COP1: variants seen among roughly 807,000 people sequenced by gnomAD.
COP1 encodes the protein E3 ubiquitin-protein ligase COP1.
In COP1, 24 loss-of-function variants were observed where a neutral mutation model predicts 101.3. That is an observed-to-expected ratio of 0.24 (90% CI 0.17 to 0.33). The LOEUF is 0.33. Among genes scored for constraint, COP1 ranks in the 10% least tolerant of loss-of-function variants. The pLI is 1.00. For missense variants in COP1, 663 were observed against 906.2 expected (o/e 0.73, Z 3.45); for synonymous variants, 347 against 341.9 (o/e 1.01, Z -0.17).
At chr1:176,070,990 C>T (rs1182855236) in intron 11 of COP1, among the ~76,000 whole-genome samples, 3 of 152,138 alleles carry the variant, frequency 2.0e-5, no homozygotes, top group Non-Finnish European at 2.9e-5. Flanking sequence ...ATACTGTACA[C>T]TGTAAATACT....
chr1:176,048,998 C>A (rs1672011443), intron 11 of COP1, among the ~76,000 whole-genome samples: 1 of 150,470 alleles, frequency 6.6e-6, no homozygotes. Flanking sequence ...AGGTGAAACC[C>A]CGTCTCTACT....
chr1:176,080,080 G>T (rs1331636716), intron 11 of COP1, among the ~76,000 whole-genome samples: 1 of 151,862 alleles, frequency 6.6e-6, no homozygotes, highest in Non-Finnish European at 1.5e-5. Flanking sequence ...ATGGGTCGAA[G>T]AGAAAAATCA....
chr1:175,962,905 T>C (rs1157961220), intron 18 of COP1, among the ~76,000 whole-genome samples: 1 of 152,206 alleles, frequency 6.6e-6, no homozygotes, highest in Non-Finnish European at 1.5e-5. Flanking sequence ...AAGTTAATGA[T>C]TATATCCGCA....
chr1:176,032,862 T>C (rs546019727), intron 14 of COP1, among the ~76,000 whole-genome samples: 3 of 152,174 alleles, frequency 2.0e-5, no homozygotes, highest in Admixed American at 2.0e-4. Context: ...TGGATGCTGA[T>C]CAACATAAGT....
rs10694480 is a variant in COP1, at chr1:175,976,270, C to CTTTTT, written c.2133+10668_2133+10672dup. 5.6e-3 allele frequency among the ~76,000 whole-genome samples: 317 copies of CTTTTT among 56,854 alleles called. 79 individuals carry two copies. Among genetic ancestry groups the CTTTTT allele is most frequent in the African/African-American group, 7.5e-3 (101 of 13,518 alleles). 37.3% of individuals were successfully genotyped at this position (56,854 alleles called of 152,430 possible). ...TAAGTCTCTATATCAATTAGTCATT[C>CTTTTT]TTTTTTTTTTTTTTTTTTTTTTTTT... On this transcript the variant is annotated intron_variant, in intron 18 of 19. Coordinates refer to ENST00000367669, the MANE Select transcript of COP1 (RefSeq NM_022457.7).
chr1:175,950,126 G>T (rs1367297194), intron 18 of COP1, among the ~76,000 whole-genome samples: 1 of 151,624 alleles, frequency 6.6e-6, no homozygotes, highest in African/African-American at 2.4e-5. Context: ...GATTACTATG[G>T]CATTAATATA....
intron 18 of COP1, among the ~76,000 whole-genome samples, chr1:175,955,262 G>C (rs1311601335): frequency 6.6e-6 from 1 of 151,936 alleles, no homozygotes; most frequent in African/African-American, 2.4e-5. Context: ...AAAAGAAAAA[G>C]TAATGTAATC....
intron 18 of COP1, among the ~76,000 whole-genome samples, chr1:175,962,320 CTTA>C (rs952862034): frequency 2.0e-5 from 3 of 152,058 alleles, no homozygotes; most frequent in Middle Eastern, 3.2e-3. Flanking sequence ...GGATAACAAC[CTTA>C]TTATTATTAC....
chr1:176,040,435 A>G (rs1670318667), intron 14 of COP1, among the ~76,000 whole-genome samples: 1 of 151,990 alleles, frequency 6.6e-6, no homozygotes, highest in African/African-American at 2.4e-5. Flanking sequence ...CTCCTGCCCC[A>G]GTTTCCCAAG....
Position 176,207,108 on chromosome 1 carries a change from A to G in COP1, c.-130T>C, listed in dbSNP as rs2102348136. On this transcript the variant is annotated 5_prime_UTR_variant, in exon 1 of 20. Transcript: ENST00000367669. ...GCCGAGCCGGAGGTGGGGCTGAGGA[A>G]CAATAAAGTTGCGTTTTTTTTTAAG... is the stretch of plus-strand genomic sequence containing the variant. 4 of 699,648 alleles carry G rather than the reference A, an allele frequency of 5.7e-6. No individual in the cohort carries two copies. Among genetic ancestry groups the G allele is most frequent in the Middle Eastern group, 4.5e-4 (1 of 2,224 alleles). 43.3% of individuals were successfully genotyped at this position (699,648 alleles called of 1,614,324 possible).
chr1:175,987,310 C>A (rs1391829382), intron 17 of COP1, among the ~76,000 whole-genome samples: 1 of 152,080 alleles, frequency 6.6e-6, no homozygotes, highest in African/African-American at 2.4e-5. Context: ...AAGAAACAAT[C>A]AGTGTTAAAT....
intron 11 of COP1, among the ~76,000 whole-genome samples, chr1:176,068,577 A>G (rs1676430286): frequency 6.6e-6 from 1 of 152,218 alleles, no homozygotes; most frequent in Non-Finnish European, 1.5e-5. Flanking sequence ...CATCTTATTT[A>G]AATATGATTA....
rs149476982 is a variant in COP1, at chr1:176,100,935, G to A, written c.1027-15045C>T. 6.7e-3 allele frequency among the ~76,000 whole-genome samples: 1,014 copies of A among 152,002 alleles called. 9 individuals are homozygous for A. Among genetic ancestry groups the A allele is most frequent in the African/African-American group, 0.023 (959 of 41,432 alleles). ...GGTCAAAGCCCTAGGAAAGAAAACC[G>A]GATCTGATGGATCCAGAGGCAGATG... On this transcript the variant is annotated intron_variant, in intron 9 of 19. Coordinates refer to ENST00000367669, the MANE Select transcript of COP1 (RefSeq NM_022457.7).
At chr1:176,096,963 C>T (rs571928785) in intron 9 of COP1, among the ~76,000 whole-genome samples, 26 of 152,194 alleles carry the variant, frequency 1.7e-4, no homozygotes, top group African/African-American at 6.0e-4. Flanking sequence ...GGGAATGAGT[C>T]CTTTTTGGTT....
chr1:175,994,294 C>G (rs1292517940), intron 15 of COP1, among the ~76,000 whole-genome samples: 1 of 152,166 alleles, frequency 6.6e-6, no homozygotes, highest in Non-Finnish European at 1.5e-5. Flanking sequence ...AAAATCATGC[C>G]AAATTGTAAA....
At chr1:176,184,544 G>T in intron 2 of COP1, 89 bp downstream of exon 2, 6 of 1,008,940 alleles carry the variant, frequency 5.9e-6, no homozygotes, top group Non-Finnish European at 9.0e-6. Flanking sequence ...AATCAAAGTT[G>T]GTTTAAAACA....
At chr1:176,120,653 G>C (rs1686963476) in intron 8 of COP1, among the ~76,000 whole-genome samples, 1 of 152,152 alleles carries the variant, frequency 6.6e-6, no homozygotes. Flanking sequence ...GCAAGTAGAT[G>C]TCCGTATAAC....
chr1:176,085,762 G>T lies in COP1; in HGVS notation c.1141+14C>A. ...TGTAGATTTCAGATAATTTGAGAAGGTCTAAATATATACCTGAGATACGAG... is the reference window on the plus strand; with the variant it reads ...TGTAGATTTCAGATAATTTGAGAAGTTCTAAATATATACCTGAGATACGAG... On this transcript the variant is annotated intron_variant, in intron 10 of 19. Coordinates refer to ENST00000367669, the MANE Select transcript of COP1 (RefSeq NM_022457.7). 1 of 1,425,466 alleles carries T rather than the reference G, an allele frequency of 7.0e-7. No individual in the cohort carries two copies. Among genetic ancestry groups the T allele is most frequent in the Non-Finnish European group, 9.8e-7 (1 of 1,016,922 alleles). 88.3% of individuals were successfully genotyped at this position (1,425,466 alleles called of 1,614,324 possible). A position where few individuals can be genotyped will look rare whatever the true frequency, so the allele number is the denominator to read the frequency against.
chr1:176,045,089 G>A (rs1671281774), intron 12 of COP1, among the ~76,000 whole-genome samples: 1 of 152,100 alleles, frequency 6.6e-6, no homozygotes, highest in African/African-American at 2.4e-5. Flanking sequence ...CTGAATCCTG[G>A]CTCCTCTATA....
Sources: gnomAD v4.1 joint callset for allele counts (sites outside exome capture counted in the v4.1 genomes callset) on GRCh38, gnomAD v4.1.1 for gene constraint, MANE v1.5 for transcripts, NCBI Gene and HGNC (gene_info 2026-07-23, HGNC 2026-07-21) for gene names.